S100Z: variants seen among roughly 807,000 people sequenced by gnomAD.
S100Z encodes protein S100-Z.
Under a neutral mutation model 8.5 loss-of-function variants are expected in S100Z, and 11 were observed. That is an observed-to-expected ratio of 1.30 (90% CI 0.82 to 2.15). The LOEUF (loss-of-function observed/expected upper bound fraction) is 2.15, where lower values mean the gene tolerates loss of function less well. S100Z is among the 30% of genes most tolerant of loss of function. The pLI is 0.00. For missense variants in S100Z, 126 were observed against 117.9 expected (o/e 1.07, Z -0.32); for synonymous variants, 34 against 43.8 (o/e 0.78, Z 0.89).
chr5:76,886,715 T>C (rs1743651186), intron 4 of S100Z, among the ~76,000 whole-genome samples: 1 of 152,142 alleles, frequency 6.6e-6, no homozygotes, highest in African/African-American at 2.4e-5. Context: ...GGATTATCAT[T>C]AGTTCTTATA....
rs181513538 is a variant in S100Z at position 76,885,067 on chromosome 5, G to A, written c.*2+7233G>A. Reference sequence around the variant, plus strand: ...ATAGGATGGAGAAATCATAAGTGCCGTTTTCTGGCCATTTAGAACCATTGT... The same window carrying A: ...ATAGGATGGAGAAATCATAAGTGCCATTTTCTGGCCATTTAGAACCATTGT... On this transcript the variant is annotated intron_variant, in intron 4 of 4. Transcript: ENST00000317593. Among the ~76,000 whole-genome samples, 244 of 152,262 alleles carry A rather than the reference G, an allele frequency of 1.6e-3. 1 individual carries two copies. The highest frequency in any genetic ancestry group is 5.3e-3 in the African/African-American group (221 of 41,540).
chr5:76,902,349 C>T (rs981232464), intron 4 of S100Z, among the ~76,000 whole-genome samples: 1 of 152,182 alleles, frequency 6.6e-6, no homozygotes, highest in Non-Finnish European at 1.5e-5. Flanking sequence ...ACACAGAGTG[C>T]TGTAGCGCTC....
downstream of S100Z, among the ~76,000 whole-genome samples, chr5:76,925,108 G>A (rs1347052078): frequency 6.6e-6 from 1 of 151,994 alleles, no homozygotes. Flanking sequence ...CACAAGGTCC[G>A]ATCCCTAGGA....
the S100Z span, among the ~76,000 whole-genome samples, chr5:76,937,336 T>G: frequency 6.6e-6 from 1 of 152,074 alleles, no homozygotes; most frequent in African/African-American, 2.4e-5. Context: ...ATGTTTGATT[T>G]TTTTTTTAAA....
At chr5:76,863,670 CTGGG>C (rs1751143197) in intron 1 of S100Z, among the ~76,000 whole-genome samples, 1 of 152,040 alleles carries the variant, frequency 6.6e-6, no homozygotes, top group African/African-American at 2.4e-5. Flanking sequence ...TCCCAAGTAG[CTGGG>C]ACTACAGGCA....
chr5:76,922,952 G>A (rs1034634507), downstream of S100Z, among the ~76,000 whole-genome samples: 7 of 150,592 alleles, frequency 4.6e-5, no homozygotes, highest in South Asian at 2.1e-4. Flanking sequence ...TGTCAGCTGA[G>A]TTTTAGCAAG....
At chr5:76,952,074 T>C in the S100Z span, among the ~76,000 whole-genome samples, 11 of 152,330 alleles carry the variant, frequency 7.2e-5, no homozygotes, top group South Asian at 1.9e-3. Flanking sequence ...TCCTCATGTT[T>C]CCCACAGTTT....
chr5:76,935,020 C>T, the S100Z span, among the ~76,000 whole-genome samples: 3,575 of 152,132 alleles, frequency 0.023, 131 homozygotes, highest in African/African-American at 0.081. Context: ...TTTTTCATTC[C>T]AAGTTTTACG....
At position 76,877,811 on chromosome 5, in the gene S100Z, A is replaced by G. The variant is rs1743253139; in HGVS notation, c.279A>G (p.Gln93=). The part of the protein sequence containing the change: ...TVACNDYFVE[Q]LKKKGK ...CTTGTAATGATTACTTTGTAGAACAATTGAAGAAGAAAGGAAAATAAAGGT... is the reference window on the plus strand; with the variant it reads ...CTTGTAATGATTACTTTGTAGAACAGTTGAAGAAGAAAGGAAAATAAAGGT... Residue 93 remains glutamine (Q), a synonymous_variant, in exon 4 of 5, where the codon CAA becomes CAG. Transcript: ENST00000317593. 3 of 1,612,976 alleles carry G rather than the reference A, an allele frequency of 1.9e-6. No individual in the cohort carries two copies. The highest frequency in any genetic ancestry group is 2.5e-6 in the Non-Finnish European group (3 of 1,179,116).
chr5:76,871,713 G>T (rs550932882), intron 2 of S100Z, among the ~76,000 whole-genome samples: 1 of 151,990 alleles, frequency 6.6e-6, no homozygotes, highest in South Asian at 2.1e-4. Flanking sequence ...TTTTAGTAGA[G>T]ACAGGGTTTC....
At chr5:76,950,638 A>G in the S100Z span, among the ~76,000 whole-genome samples, 16 of 152,230 alleles carry the variant, frequency 1.1e-4, no homozygotes, top group African/African-American at 3.9e-4. Context: ...CTGGAAAAAT[A>G]TGGAGAAAAA....
chr5:76,892,568 A>G (rs952174931), intron 4 of S100Z, among the ~76,000 whole-genome samples: 3 of 152,112 alleles, frequency 2.0e-5, no homozygotes, highest in Non-Finnish European at 4.4e-5. Context: ...TCACAAGAAC[A>G]TCTGTGATCT....
At chr5:76,933,432 C>T in the S100Z span, among the ~76,000 whole-genome samples, 1 of 152,148 alleles carries the variant, frequency 6.6e-6, no homozygotes, top group Non-Finnish European at 1.5e-5. Flanking sequence ...TGTGAATGTT[C>T]CCTAGAGAGC....
intron 4 of S100Z, among the ~76,000 whole-genome samples, chr5:76,919,805 T>A (rs1426371552): frequency 6.6e-6 from 1 of 151,948 alleles, no homozygotes; most frequent in Non-Finnish European, 1.5e-5. Flanking sequence ...GATCTCATCA[T>A]CCTTCCCAGG....
At chr5:76,896,527 CCTTT>C (rs113868011) in intron 4 of S100Z, among the ~76,000 whole-genome samples, 77,568 of 151,584 alleles carry the variant, frequency 0.51, 21,566 homozygotes, top group Non-Finnish European at 0.63. Context: ...ATATTGATTT[CCTTT>C]CTTTTGGGTA....
At chr5:76,874,042 T>C (rs1181864508) in intron 2 of S100Z, among the ~76,000 whole-genome samples, 1 of 147,606 alleles carries the variant, frequency 6.8e-6, no homozygotes, top group Non-Finnish European at 1.5e-5. Context: ...CTTTCCCCCC[T>C]TACCCCTGAC....
intron 4 of S100Z, among the ~76,000 whole-genome samples, chr5:76,889,802 T>C (rs536843654): frequency 1.3e-5 from 2 of 152,388 alleles, no homozygotes; most frequent in South Asian, 4.1e-4. Flanking sequence ...CCGGGGGCAC[T>C]GGCCTTTGCA....
downstream of S100Z, among the ~76,000 whole-genome samples, chr5:76,922,963 C>T (rs556524963): frequency 2.9e-4 from 44 of 151,156 alleles, 1 homozygote; most frequent in Admixed American, 6.6e-4. Flanking sequence ...TTTTAGCAAG[C>T]CTTCAGAAGA....
chr5:76,864,250 C>T (rs747775405), intron 1 of S100Z, among the ~76,000 whole-genome samples: 6 of 152,140 alleles, frequency 3.9e-5, no homozygotes. Context: ...TAACACAACA[C>T]AATACTTACA....
Sources: allele counts gnomAD v4.1 joint callset (sites outside exome capture counted in the v4.1 genomes callset), GRCh38; gene constraint gnomAD v4.1.1; transcripts MANE v1.5; gene names NCBI Gene and HGNC (gene_info 2026-07-23, HGNC 2026-07-21).